RFNG: variants seen among roughly 807,000 people sequenced by gnomAD.
RFNG encodes the protein beta-1,3-N-acetylglucosaminyltransferase radical fringe.
In RFNG, 37 loss-of-function variants were observed where a neutral mutation model predicts 29.6. The observed-to-expected ratio is 1.25, with a 90% CI of 0.96 to 1.65. RFNG has a LOEUF of 1.65. Among genes scored for constraint, RFNG ranks in the 40% most tolerant of loss-of-function variants. The pLI is 0.00. For missense variants in RFNG, 546 were observed against 457.0 expected (o/e 1.19, Z -1.78); for synonymous variants, 276 against 197.3 (o/e 1.40, Z -3.34).
Position 82,051,657 on chromosome 17 carries a change from CG to C in RFNG, c.109del (p.Arg37GlyfsTer115). On this transcript the variant is annotated frameshift_variant, in exon 1 of 8. Transcript: ENST00000310496. LOFTEE classifies it high-confidence loss of function. The surrounding 1 kb of genome is among the most constrained non-coding windows in gnomAD (Gnocchi z 4.1). ...CGCGCGCGGGGCCGGGGCGGGGGTC[CG>C]GGCCGGGGCGGGCGCGCGGGGCAGC... ...LPLPRAPAPARTPAPAPRAPP... is the reference protein window; with the variant it reads ...LPLPRAPAPAXTPAPAPRAPP... 1 of 997,274 alleles carries C rather than the reference CG, an allele frequency of 1.0e-6. No individual in the cohort carries two copies. Among genetic ancestry groups the C allele is most frequent in the Non-Finnish European group, 1.2e-6 (1 of 838,694 alleles). The allele number at this position is 997,274 out of a possible 1,614,324, so 61.8% of individuals were successfully genotyped here. A position where few individuals can be genotyped will look rare whatever the true frequency, so the allele number is the denominator to read the frequency against.
chr17:82,050,835 C>T, intron 2 of RFNG, 71 bp from the exon 3 acceptor site: 1 of 1,530,314 alleles, frequency 6.5e-7, no homozygotes, highest in South Asian at 1.2e-5. Context: ...TGTGCCCCAC[C>T]TGCCCCCAAG....
At position 82,051,217 on chromosome 17, in the gene RFNG, C is replaced by G. The variant is rs1376953184; in HGVS notation, c.316+77G>C. 7.7e-7 allele frequency: 1 copy of G among 1,306,208 alleles called. No homozygotes were observed. Among genetic ancestry groups the G allele is most frequent in the Non-Finnish European group, 9.8e-7 (1 of 1,023,560 alleles). 80.9% of individuals were successfully genotyped at this position (1,306,208 alleles called of 1,614,324 possible). ...GGGCAGAGAAAGGCACCCACAGCAG[C>G]GAAGGGGCCGTGGCTTCGGAGCGAG... On this transcript the variant is annotated intron_variant, in intron 2 of 7. Coordinates refer to ENST00000310496, the MANE Select transcript of RFNG (RefSeq NM_002917.2). This position sits in a 1 kb window ranked among gnomAD's most constrained non-coding sequence, Gnocchi z 4.1.
In RFNG at chr17:82,051,780, C is replaced by T. The variant is rs1169310766; in HGVS notation, c.-14G>A. Reference sequence around the variant, plus strand: ...CGCGCGGCTCATGCGGCCGCCGGGACCCCCGGCGCTGCGAGCGGAGAACCT... The same window carrying T: ...CGCGCGGCTCATGCGGCCGCCGGGATCCCCGGCGCTGCGAGCGGAGAACCT... On this transcript the variant is annotated 5_prime_UTR_variant, in exon 1 of 8. Coordinates refer to ENST00000310496, the MANE Select transcript of RFNG (RefSeq NM_002917.2). This position sits in a 1 kb window ranked among gnomAD's most constrained non-coding sequence, Gnocchi z 4.1. The T allele has an allele frequency of 1.6e-5, 18 of 1,111,060 alleles. No homozygotes were observed. Among genetic ancestry groups the T allele is most frequent in the Admixed American group, 5.1e-5 (1 of 19,566 alleles). 68.8% of individuals were successfully genotyped at this position (1,111,060 alleles called of 1,614,324 possible). A position where few individuals can be genotyped will look rare whatever the true frequency, so the allele number is the denominator to read the frequency against.
rs2030333884 is a variant in RFNG, at chr17:82,050,492, G to A, written c.483C>T (p.Ser161=). The A allele has an allele frequency of 2.5e-6, 4 of 1,612,912 alleles. No individual in the cohort carries two copies. Among genetic ancestry groups the A allele is most frequent in the Non-Finnish European group, 3.4e-6 (4 of 1,179,910 alleles). The change falls in exon 4 of 8, where the codon TCC becomes TCT. Residue 161 remains serine, a synonymous_variant. Transcript: ENST00000310496. ...VNARSLLHLL[S]SFSPSQDVYL... ...AGACGTCCTGGCTGGGTGAGAAGCT[G>A]GAGAGCAGGTGCAGGAGGCTCCTGG...
At chr17:82,049,591 G>A (rs779085589) in intron 6 of RFNG, 86 bp downstream of exon 6, 19 of 1,418,012 alleles carry the variant, frequency 1.3e-5, no homozygotes, top group Admixed American at 1.3e-4. Flanking sequence ...GCTCAGCCGG[G>A]CATCGGGCCG....
In RFNG at chr17:82,049,098, C is replaced by T. The variant is rs1187640863; in HGVS notation, c.847G>A (p.Gly283Ser). ...ACCACGTTATGTGGGTTCTCAGGAC[C>T]CCCATGGCTCAAGGTAACCTGGGAG... is the stretch of plus-strand genomic sequence containing the variant. ...LLQQVTLSHGGPENPHNVVNV... is the reference protein window; with the variant it reads ...LLQQVTLSHGSPENPHNVVNV... Residue 283 changes from glycine to serine, a missense_variant, in exon 7 of 8, where the codon GGT becomes AGT. Transcript: ENST00000310496. The T allele has an allele frequency of 1.2e-6, 2 of 1,613,410 alleles. No individual in the cohort carries two copies. Among genetic ancestry groups the T allele is most frequent in the Non-Finnish European group, 1.7e-6 (2 of 1,179,804 alleles).
Position 82,049,731 on chromosome 17 carries a change from G to A in RFNG, c.774C>T (p.Phe258=). ...LGARLLHSPL[F]HSHLENLQRL... Reference sequence around the variant, plus strand: ...TCTGCAGGTTCTCCAGGTGAGAGTGGAAGAGGGGGCTGTGCAGCAGGCGGG... The same window carrying A: ...TCTGCAGGTTCTCCAGGTGAGAGTGAAAGAGGGGGCTGTGCAGCAGGCGGG... The change falls in exon 6 of 8, where the codon TTC becomes TTT. Residue 258 remains phenylalanine, a synonymous_variant. Coordinates refer to ENST00000310496, the MANE Select transcript of RFNG (RefSeq NM_002917.2). 2 of 1,515,612 alleles carry A rather than the reference G, an allele frequency of 1.3e-6. No homozygotes were observed. Among genetic ancestry groups the A allele is most frequent in the Non-Finnish European group, 1.8e-6 (2 of 1,135,166 alleles). The allele number at this position is 1,515,612 out of a possible 1,614,324, so 93.9% of individuals were successfully genotyped here.
At position 82,051,107 on chromosome 17, in the gene RFNG, G is replaced by A. The variant is rs1481838024; in HGVS notation, c.316+187C>T. The A allele has an allele frequency of 1.5e-6, 2 of 1,348,384 alleles. No individual in the cohort carries two copies. The highest frequency in any genetic ancestry group is 1.5e-5 in the African/African-American group (1 of 66,668). The allele number at this position is 1,348,384 out of a possible 1,614,324, so 83.5% of individuals were successfully genotyped here. On this transcript the variant is annotated intron_variant, in intron 2 of 7. Coordinates refer to ENST00000310496, the MANE Select transcript of RFNG (RefSeq NM_002917.2). The surrounding 1 kb of genome is among the most constrained non-coding windows in gnomAD (Gnocchi z 4.1). ...AGCGGCTAGTGTGAGAGGCTGGTGG[G>A]GAGCAGAGCTTGGCTGGCAGGGTGG...
At position 82,048,262 on chromosome 17, in the gene RFNG, C is replaced by T. The variant is rs566400066; in HGVS notation, c.*464G>A. 12 of 193,042 alleles carry T rather than the reference C, an allele frequency of 6.2e-5. No individual in the cohort carries two copies. The highest frequency in any genetic ancestry group is 3.8e-4 in the South Asian group (4 of 10,408). The allele number at this position is 193,042 out of a possible 1,614,324, so 12.0% of individuals were successfully genotyped here. A position where few individuals can be genotyped will look rare whatever the true frequency, so the allele number is the denominator to read the frequency against. ...GGTGCCCGGCCGTGCACCCAGCCTGCGGCAGAGAGGGCGGCGTCCCCCACA... is the reference window on the plus strand; with the variant it reads ...GGTGCCCGGCCGTGCACCCAGCCTGTGGCAGAGAGGGCGGCGTCCCCCACA... On this transcript the variant is annotated 3_prime_UTR_variant, in exon 8 of 8. Transcript: ENST00000310496.
rs1392468576 is a variant in RFNG, at chr17:82,051,408, G to A, written c.268-66C>T. 1.4e-6 allele frequency: 2 copies of A among 1,403,304 alleles called. No individual in the cohort carries two copies. Among genetic ancestry groups the A allele is most frequent in the Non-Finnish European group, 1.9e-6 (2 of 1,080,776 alleles). 86.9% of individuals were successfully genotyped at this position (1,403,304 alleles called of 1,614,324 possible). A position where few individuals can be genotyped will look rare whatever the true frequency, so the allele number is the denominator to read the frequency against. On this transcript the variant is annotated intron_variant, in intron 1 of 7. Coordinates refer to ENST00000310496, the MANE Select transcript of RFNG (RefSeq NM_002917.2). The surrounding 1 kb of genome is among the most constrained non-coding windows in gnomAD (Gnocchi z 4.1). ...CAGGCCGGAGACCGACCCGCCCCGC[G>A]CGGAGCCTCCGGGGGCCTGGGCCGG...
chr17:82,048,709 G>C lies in RFNG; in HGVS notation c.*17C>G, dbSNP rs2030073030. 2 of 1,607,806 alleles carry C rather than the reference G, an allele frequency of 1.2e-6. No individual in the cohort carries two copies. The highest frequency in any genetic ancestry group is 1.7e-6 in the Non-Finnish European group (2 of 1,176,338). On this transcript the variant is annotated 3_prime_UTR_variant, in exon 8 of 8. Transcript: ENST00000310496. ...CCTGGGACAGAGCCAGGCAGCCCTG[G>C]GTCGGGGTGGTTGGTGTCACCGAGA...
At position 82,051,214 on chromosome 17, in the gene RFNG, C is replaced by G. The variant is rs2030504991; in HGVS notation, c.316+80G>C. ...CCTGGGCAGAGAAAGGCACCCACAG[C>G]AGCGAAGGGGCCGTGGCTTCGGAGC... On this transcript the variant is annotated intron_variant, in intron 2 of 7. Coordinates refer to ENST00000310496, the MANE Select transcript of RFNG (RefSeq NM_002917.2). The surrounding 1 kb of genome is among the most constrained non-coding windows in gnomAD (Gnocchi z 4.1). The G allele has an allele frequency of 7.7e-7, 1 of 1,305,972 alleles. No homozygotes were observed. Among genetic ancestry groups the G allele is most frequent in the African/African-American group, 1.5e-5 (1 of 64,946 alleles). The allele number at this position is 1,305,972 out of a possible 1,614,324, so 80.9% of individuals were successfully genotyped here.
chr17:82,049,905 G>C lies in RFNG; in HGVS notation c.662+13C>G, dbSNP rs1286668986. The C allele has an allele frequency of 6.2e-7, 1 of 1,611,762 alleles. No individual in the cohort carries two copies. The highest frequency in any genetic ancestry group is 1.7e-5 in the Admixed American group (1 of 59,922). ...CTCCGCCTCCCAGCCCGGGCAGCTG[G>C]ACCCCCACTCACCTGGCCCATGGGC... On this transcript the variant is annotated intron_variant, in intron 5 of 7. Coordinates refer to ENST00000310496, the MANE Select transcript of RFNG (RefSeq NM_002917.2).
rs1188930747 is a variant in RFNG, at chr17:82,050,513, C to T, written c.462G>A (p.Arg154=). ...AGCTGGAGAGCAGGTGCAGGAGGCT[C>T]CTGGCGTTCACATAATTGTCATCAT... ...HVDDDNYVNA[R]SLLHLLSSFS... The change falls in exon 4 of 8, where the codon AGG becomes AGA. Residue 154 remains arginine, a synonymous_variant. Coordinates refer to ENST00000310496, the MANE Select transcript of RFNG (RefSeq NM_002917.2). 8.1e-6 allele frequency: 13 copies of T among 1,612,856 alleles called. No individual in the cohort carries two copies. The highest frequency in any genetic ancestry group is 1.1e-5 in the Non-Finnish European group (13 of 1,179,816).
At chr17:82,050,074 C>A in intron 4 of RFNG, 68 bp from the exon 5 acceptor site, 10 of 1,322,080 alleles carry the variant, frequency 7.6e-6, no homozygotes, top group Non-Finnish European at 1.1e-5. Context: ...TCATGGGACT[C>A]CCCAGGCATC....
chr17:82,051,531 A>G lies in RFNG; in HGVS notation c.236T>C (p.Leu79Pro). 1 of 1,399,446 alleles carries G rather than the reference A, an allele frequency of 7.1e-7. No homozygotes were observed. The highest frequency in any genetic ancestry group is 9.3e-7 in the Non-Finnish European group (1 of 1,072,382). The allele number at this position is 1,399,446 out of a possible 1,614,324, so 86.7% of individuals were successfully genotyped here. ...KNHGPRLRLL[L>P]RTWISRARQQ... The stretch of plus-strand genomic sequence containing the variant: ...GCGGGCCCGGGAGATCCAGGTGCGC[A>G]GCAGCAGCCGCAGGCGCGGCCCGTG... The change falls in exon 1 of 8, where the codon CTG (leucine) becomes CCG (proline). Residue 79 changes from leucine (L) to proline (P), a missense_variant. Coordinates refer to ENST00000310496, the MANE Select transcript of RFNG (RefSeq NM_002917.2). This position sits in a 1 kb window ranked among gnomAD's most constrained non-coding sequence, Gnocchi z 4.1.
intron 2 of RFNG, 24 bp from the exon 3 acceptor site, chr17:82,050,788 C>T (rs1484524750): frequency 9.9e-6 from 16 of 1,608,694 alleles, no homozygotes; most frequent in South Asian, 3.3e-5. Flanking sequence ...ACGGGAAGCA[C>T]GCACGTAGAG....
In RFNG at chr17:82,048,771, C is replaced by G; in HGVS notation, c.951G>C (p.Thr317=). The change falls in exon 8 of 8, where the codon ACG becomes ACC. Residue 317 remains threonine, a synonymous_variant. Transcript: ENST00000310496. ...CCTGTTTCTGCCTGGGACACCAGTC[C>G]GTGTCTGGGTACAGAAGACAATGGA... The part of the protein sequence containing the change: ...KSIHCLLYPD[T]DWCPRQKQGA... The G allele has an allele frequency of 2.5e-6, 4 of 1,613,192 alleles. No homozygotes were observed. Among genetic ancestry groups the G allele is most frequent in the Non-Finnish European group, 3.4e-6 (4 of 1,179,784 alleles).
rs774769692 is a variant in RFNG at position 82,050,453 on chromosome 17, G to A, written c.522C>T (p.Pro174=). 2.1e-5 allele frequency: 34 copies of A among 1,612,346 alleles called. No homozygotes were observed. The highest frequency in any genetic ancestry group is 2.6e-5 in the Non-Finnish European group (31 of 1,179,786). ...TGGCCTCAATGGGGTGGTCCAGGCT[G>A]GGCCGCCCCAGGTAGACGTCCTGGC... ...SPSQDVYLGR[P]SLDHPIEATE... is the part of the protein sequence containing the mutation. The change falls in exon 4 of 8, where the codon CCC becomes CCT. Residue 174 remains proline, a synonymous_variant. Coordinates refer to ENST00000310496, the MANE Select transcript of RFNG (RefSeq NM_002917.2).
Sources: allele counts gnomAD v4.1 joint callset, GRCh38; gene constraint gnomAD v4.1.1; non-coding constraint Gnocchi (gnomAD v3.1); transcripts MANE v1.5; gene names NCBI Gene and HGNC (gene_info 2026-07-23, HGNC 2026-07-21).